RCOR1: variants seen among roughly 807,000 people sequenced by gnomAD.
RCOR1 encodes the protein REST corepressor.
A neutral mutation model predicts 64.0 loss-of-function variants in RCOR1; 12 were observed. The observed-to-expected ratio is 0.19, with a 90% CI of 0.12 to 0.30. The LOEUF is 0.30. Ranked by LOEUF, RCOR1 falls within the 10% of genes least tolerant of loss-of-function variation. RCOR1 has a pLI of 1.00. For synonymous variants in RCOR1, 279 were observed against 227.2 expected (o/e 1.23, Z -2.05); for missense variants, 502 against 621.2 (o/e 0.81, Z 2.04).
chr14:102,703,505 G>T lies in RCOR1; in HGVS notation c.498+2175G>T, dbSNP rs187673051. The stretch of plus-strand genomic sequence containing the variant: ...AGGGATCCTGAATAAGCTTATTAGG[G>T]TATTTCTTGTCAAAACCTTTGGAAG... On this transcript the variant is annotated intron_variant, in intron 4 of 11. Coordinates refer to ENST00000262241, the MANE Select transcript of RCOR1 (RefSeq NM_015156.4). Among the ~76,000 whole-genome samples the T allele has an allele frequency of 1.4e-4, 21 of 152,292 alleles. 1 individual carries two copies. The highest frequency in any genetic ancestry group is 5.1e-4 in the African/African-American group (21 of 41,558).
At chr14:102,671,091 A>G (rs1319393983) in intron 2 of RCOR1, among the ~76,000 whole-genome samples, 3 of 152,114 alleles carry the variant, frequency 2.0e-5, no homozygotes, top group Non-Finnish European at 2.9e-5. Flanking sequence ...ATAATTATTG[A>G]TAGCAAGAAA....
At chr14:102,627,902 GTA>G (rs535069184) in intron 2 of RCOR1, among the ~76,000 whole-genome samples, 158 of 151,560 alleles carry the variant, frequency 1.0e-3, no homozygotes, top group African/African-American at 3.6e-3. Context: ...GTGTGTGCGT[GTA>G]TATATATATG....
rs1896322956 is a variant in RCOR1 at position 102,729,128 on chromosome 14, C to A, written c.*2622C>A. 3 of 152,546 alleles carry A rather than the reference C, an allele frequency of 2.0e-5. No homozygotes were observed. Among genetic ancestry groups the A allele is most frequent in the Admixed American group, 2.0e-4 (3 of 15,264 alleles). 9.4% of individuals were successfully genotyped at this position (152,546 alleles called of 1,614,324 possible). ...TATATATATTTTTGTGGAAAATTTT[C>A]TCCTAAGTATAAGTTATTGTGCAAA... On this transcript the variant is annotated 3_prime_UTR_variant, in exon 12 of 12. Coordinates refer to ENST00000262241, the MANE Select transcript of RCOR1 (RefSeq NM_015156.4).
At chr14:102,716,557 G>C (rs1896073516) in intron 8 of RCOR1, among the ~76,000 whole-genome samples, 1 of 149,350 alleles carries the variant, frequency 6.7e-6, no homozygotes, top group African/African-American at 2.6e-5. Flanking sequence ...AATAGTCACT[G>C]TTTTGTTTTC....
intron 3 of RCOR1, among the ~76,000 whole-genome samples, chr14:102,691,009 T>C (rs748240349): frequency 3.3e-5 from 5 of 152,226 alleles, no homozygotes; most frequent in South Asian, 2.1e-4. Context: ...TGGAATCTTA[T>C]AACATTTCCT....
At chr14:102,677,088 C>T (rs2079904881) in intron 2 of RCOR1, among the ~76,000 whole-genome samples, 1 of 130,868 alleles carries the variant, frequency 7.6e-6, no homozygotes, top group African/African-American at 3.0e-5. Context: ...GGGCTCCTCA[C>T]TTCCCAGTAG....
At chr14:102,641,463 G>A (rs937399920) in intron 2 of RCOR1, among the ~76,000 whole-genome samples, 1 of 151,848 alleles carries the variant, frequency 6.6e-6, no homozygotes, top group Non-Finnish European at 1.5e-5. Flanking sequence ...AGCCGGTTAT[G>A]GTGGTGTTCT....
At chr14:102,676,409 G>T (rs1424000261) in intron 2 of RCOR1, among the ~76,000 whole-genome samples, 1 of 132,502 alleles carries the variant, frequency 7.5e-6, no homozygotes, top group South Asian at 2.4e-4. Flanking sequence ...TCCCAGTAGG[G>T]GCGGCCAGGC....
At chr14:102,648,986 G>A (rs751564840) in intron 2 of RCOR1, among the ~76,000 whole-genome samples, 29 of 151,832 alleles carry the variant, frequency 1.9e-4, no homozygotes, top group Non-Finnish European at 2.9e-4. Context: ...ATAGCCTGAT[G>A]TGTTGAGACT....
At chr14:102,704,058 G>T (rs1895801356) in intron 4 of RCOR1, among the ~76,000 whole-genome samples, 1 of 152,244 alleles carries the variant, frequency 6.6e-6, no homozygotes, top group South Asian at 2.1e-4. Flanking sequence ...CTGGTGCAGG[G>T]AGAAAGCTCC....
In RCOR1 at chr14:102,726,482, T is replaced by G; in HGVS notation, c.1434T>G (p.Asp478Glu). The G allele has an allele frequency of 6.2e-7, 1 of 1,600,906 alleles. No individual in the cohort carries two copies. Among genetic ancestry groups the G allele is most frequent in the Non-Finnish European group, 8.5e-7 (1 of 1,178,118 alleles). The change falls in exon 12 of 12, where the codon GAT becomes GAG. Residue 478 changes from aspartate (D) to glutamate (E), a missense_variant. Coordinates refer to ENST00000262241, the MANE Select transcript of RCOR1 (RefSeq NM_015156.4). ...PEEEDEAPVL[D>E]VRYASAS ...CTTGGCCTCAGGCTCCTGTTCTGGA[T>G]GTCAGATATGCATCTGCCTCCTGAG...
chr14:102,661,311 G>C (rs563714323), intron 2 of RCOR1, among the ~76,000 whole-genome samples: 1 of 152,224 alleles, frequency 6.6e-6, no homozygotes, highest in Admixed American at 6.5e-5. Flanking sequence ...TTGTGCCGCT[G>C]CACTCCAGCC....
At chr14:102,631,745 C>G (rs144493435) in intron 2 of RCOR1, among the ~76,000 whole-genome samples, 4 of 152,156 alleles carry the variant, frequency 2.6e-5, no homozygotes, top group Non-Finnish European at 5.9e-5. Context: ...AATATAGCTT[C>G]TAAGCAGAAC....
At chr14:102,614,486 A>G (rs528421939) in intron 2 of RCOR1, among the ~76,000 whole-genome samples, 35 of 150,226 alleles carry the variant, frequency 2.3e-4, no homozygotes, top group African/African-American at 7.8e-4. Context: ...GGCCTCCCAA[A>G]GTGCTGGGAT....
intron 4 of RCOR1, among the ~76,000 whole-genome samples, chr14:102,703,555 C>T (rs1293948734): frequency 6.6e-6 from 1 of 152,152 alleles, no homozygotes; most frequent in Admixed American, 6.5e-5. Flanking sequence ...CTGATATATT[C>T]AAAGCAGCAA....
In RCOR1 at chr14:102,714,423, G is replaced by C. The variant is rs1326252015; in HGVS notation, c.859G>C (p.Val287Leu). Residue 287 changes from valine to leucine, a missense_variant and splice_region_variant, in exon 8 of 12, where the codon GTT becomes CTT. Val to Leu is a conservative substitution (Grantham distance 32, BLOSUM62 1). Around this residue, in one of 2 missense-constraint regions of RCOR1, gnomAD observed 260 missense variants for 416.4 expected, o/e 0.62. Coordinates refer to ENST00000262241, the MANE Select transcript of RCOR1 (RefSeq NM_015156.4). Reference protein sequence around the residue: ...VDQNKESKKEVPPTETVPQVK... With the variant: ...VDQNKESKKELPPTETVPQVK... ...TTCATCACCTGTGTATATCATGCAG[G>C]TTCCCCCTACTGAGACAGTTCCTCA... 6.3e-7 allele frequency: 1 copy of C among 1,594,490 alleles called. No individual in the cohort carries two copies.
intron 2 of RCOR1, among the ~76,000 whole-genome samples, chr14:102,643,720 T>G (rs1486719948): frequency 2.0e-5 from 3 of 152,188 alleles, no homozygotes; most frequent in African/African-American, 7.2e-5. Context: ...TTACTTTTGG[T>G]AGAGTTTGAA....
At chr14:102,692,640 T>G (rs1895557839) in intron 3 of RCOR1, among the ~76,000 whole-genome samples, 1 of 152,142 alleles carries the variant, frequency 6.6e-6, no homozygotes, top group Non-Finnish European at 1.5e-5. Flanking sequence ...TTTCCTGCAA[T>G]TAAAAATTAA....
intron 2 of RCOR1, among the ~76,000 whole-genome samples, chr14:102,612,927 A>G (rs1268847085): frequency 6.7e-6 from 1 of 148,470 alleles, no homozygotes; most frequent in Non-Finnish European, 1.5e-5. Flanking sequence ...ACTGCATTTT[A>G]GCCTGAGAGA....
Sources: gnomAD v4.1 joint callset for allele counts (sites outside exome capture counted in the v4.1 genomes callset) on GRCh38, gnomAD v4.1.1 for gene constraint, gnomAD v4.1.1 regional missense constraint, MANE v1.5 for transcripts, NCBI Gene and HGNC (gene_info 2026-07-23, HGNC 2026-07-21) for gene names.